CCDC12: variants seen among roughly 807,000 people sequenced by gnomAD.
CCDC12 encodes the protein coiled-coil domain-containing protein 12.
In CCDC12, 28 loss-of-function variants were observed where a neutral mutation model predicts 25.7. That is an observed-to-expected ratio of 1.09 (90% CI 0.81 to 1.50). The LOEUF is 1.50. Ranked by LOEUF, CCDC12 falls within the 40% of genes most tolerant of loss-of-function variation. The pLI is 0.00. For synonymous variants in CCDC12, 75 were observed against 87.7 expected (o/e 0.86, Z 0.81); for missense variants, 198 against 210.0 (o/e 0.94, Z 0.35).
At chr3:46,969,904 T>C (rs1353433884) in intron 1 of CCDC12, among the ~76,000 whole-genome samples, 3 of 3,068 alleles carry the variant, frequency 9.8e-4, no homozygotes, top group African/African-American at 1.0e-3. Context: ...CATATTTCTT[T>C]TTTTTTTTTT....
intron 1 of CCDC12, among the ~76,000 whole-genome samples, chr3:46,961,307 T>C (rs1409760997): frequency 6.6e-6 from 1 of 152,234 alleles, no homozygotes; most frequent in Non-Finnish European, 1.5e-5. Context: ...CAGAATCACA[T>C]GCTGCTCCCA....
At chr3:46,930,474 C>T (rs1338996495) in intron 2 of CCDC12, among the ~76,000 whole-genome samples, 1 of 152,226 alleles carries the variant, frequency 6.6e-6, no homozygotes, top group Non-Finnish European at 1.5e-5. Context: ...GGAAGGAGGG[C>T]AGCCCAGAAA....
intron 1 of CCDC12, chr3:46,976,399 G>A (rs1289331566): frequency 1.4e-6 from 2 of 1,406,312 alleles, no homozygotes; most frequent in Non-Finnish European, 1.8e-6. Context: ...GCGGGTCGCT[G>A]ACCACTGCCT....
rs73831448 is a variant in CCDC12, at chr3:46,971,491, A to G, written c.96+5146T>C. On this transcript the variant is annotated intron_variant, in intron 1 of 6. Transcript: ENST00000683445. ...ATAAGTGGCATCAGGTGGGCTGACC[A>G]GGACGTCTTTGTAAAACTACAGCTG... 2.1e-3 allele frequency among the ~76,000 whole-genome samples: 323 copies of G among 152,364 alleles called. 3 individuals carry two copies. The highest frequency in any genetic ancestry group is 7.5e-3 in the African/African-American group (310 of 41,584).
At chr3:46,930,499 A>G (rs2107114877) in intron 2 of CCDC12, among the ~76,000 whole-genome samples, 1 of 152,286 alleles carries the variant, frequency 6.6e-6, no homozygotes, top group Middle Eastern at 3.4e-3. Context: ...AATGGCTTCT[A>G]AGACACTATC....
chr3:46,966,785 C>T (rs2034654816), intron 1 of CCDC12, among the ~76,000 whole-genome samples: 1 of 152,118 alleles, frequency 6.6e-6, no homozygotes, highest in Non-Finnish European at 1.5e-5. Context: ...TGCTGCACCT[C>T]AACCCAGCTG....
chr3:46,931,795 G>A (rs896102045), intron 2 of CCDC12, among the ~76,000 whole-genome samples: 4 of 152,218 alleles, frequency 2.6e-5, no homozygotes, highest in Admixed American at 6.5e-5. Flanking sequence ...CCCAGGATGC[G>A]CCTGCAGGCC....
At position 46,969,390 on chromosome 3, in the gene CCDC12, G is replaced by A. The variant is rs1281496429; in HGVS notation, c.96+7247C>T. Among the ~76,000 whole-genome samples, 8 of 152,226 alleles carry A rather than the reference G, an allele frequency of 5.3e-5. No individual in the cohort carries two copies. In the South Asian group the frequency reaches 8.3e-4, roughly 16 times the overall value. On this transcript the variant is annotated intron_variant, in intron 1 of 6. Transcript: ENST00000683445. ...ACTGCAGGAGCGGGCCACCATGCCCGGCTAATTTTGTTTACTTATATTTGT... is the reference window on the plus strand; with the variant it reads ...ACTGCAGGAGCGGGCCACCATGCCCAGCTAATTTTGTTTACTTATATTTGT...
upstream of CCDC12, among the ~76,000 whole-genome samples, chr3:46,978,136 A>G (rs1264542533): frequency 6.6e-6 from 1 of 152,138 alleles, no homozygotes; most frequent in Non-Finnish European, 1.5e-5. Context: ...AACTCCCTTC[A>G]GAGGCCCATG....
At chr3:46,946,513 G>A (rs936166496) in intron 1 of CCDC12, among the ~76,000 whole-genome samples, 3 of 152,254 alleles carry the variant, frequency 2.0e-5, no homozygotes, top group African/African-American at 7.2e-5. Flanking sequence ...CAAGAGCACT[G>A]TCACAGCCTG....
chr3:46,936,877 G>A (rs1218167247), intron 2 of CCDC12, among the ~76,000 whole-genome samples: 1 of 152,222 alleles, frequency 6.6e-6, no homozygotes, highest in Non-Finnish European at 1.5e-5. Context: ...ACACTCACAG[G>A]CAGCAGGCCC....
intron 1 of CCDC12, among the ~76,000 whole-genome samples, chr3:46,974,274 T>C (rs1412421474): frequency 6.6e-6 from 1 of 152,206 alleles, no homozygotes; most frequent in Non-Finnish European, 1.5e-5. Context: ...ACATTTAAAA[T>C]GGTTAAAATA....
At chr3:46,923,548 G>T (rs1175975717) in intron 4 of CCDC12, 59 bp downstream of exon 4, 1 of 1,551,902 alleles carries the variant, frequency 6.4e-7, no homozygotes, top group Admixed American at 1.9e-5. Context: ...AGAGCAAGTG[G>T]CGAAGAGAAA....
At chr3:46,926,197 G>A (rs983454269) in intron 2 of CCDC12, among the ~76,000 whole-genome samples, 12 of 152,250 alleles carry the variant, frequency 7.9e-5, no homozygotes, top group African/African-American at 2.7e-4. Flanking sequence ...TACAGCTGTG[G>A]GAATGTGGAG....
chr3:46,930,747 T>G (rs2033173489), intron 2 of CCDC12, among the ~76,000 whole-genome samples: 1 of 152,164 alleles, frequency 6.6e-6, no homozygotes, highest in Admixed American at 6.5e-5. Context: ...TCCATCACGC[T>G]TAAAGAGCCA....
At chr3:46,949,049 A>C (rs764624995) in intron 1 of CCDC12, among the ~76,000 whole-genome samples, 7 of 152,214 alleles carry the variant, frequency 4.6e-5, no homozygotes, top group African/African-American at 7.2e-5. Flanking sequence ...CAGATTCCAG[A>C]GGTCAATGAC....
chr3:46,967,813 GA>G (rs568575361), intron 1 of CCDC12, among the ~76,000 whole-genome samples: 1 of 151,952 alleles, frequency 6.6e-6, no homozygotes, highest in East Asian at 1.9e-4. Context: ...GGTTCCAAGG[GA>G]AAAAAAAGTA....
chr3:46,963,975 GCC>G (rs2034549401), intron 1 of CCDC12, among the ~76,000 whole-genome samples: 7 of 131,330 alleles, frequency 5.3e-5, no homozygotes, highest in Non-Finnish European at 8.5e-5. Context: ...AGTGAGGAGC[GCC>G]TCTTCCCGGC....
rs1160166894 is a variant in CCDC12, at chr3:46,923,191, A to C, written c.341+138T>G. ...GTCCTCCTCAGCACTGGTTTCCAAC[A>C]GTAGCTATCTCGTGTAACTCTATGT... On this transcript the variant is annotated intron_variant, in intron 5 of 6. Coordinates refer to ENST00000683445, the MANE Select transcript of CCDC12 (RefSeq NM_001277074.2). 10 of 898,322 alleles carry C rather than the reference A, an allele frequency of 1.1e-5. No homozygotes were observed. The East Asian group carries it at 2.6e-4, about 23-fold the overall frequency. The allele number at this position is 898,322 out of a possible 1,614,324, so 55.6% of individuals were successfully genotyped here.
Sources: gnomAD v4.1 joint callset for allele counts (sites outside exome capture counted in the v4.1 genomes callset) on GRCh38, gnomAD v4.1.1 for gene constraint, MANE v1.5 for transcripts, NCBI Gene and HGNC (gene_info 2026-07-23, HGNC 2026-07-21) for gene names.